SLC19A1: variants seen among roughly 807,000 people sequenced by gnomAD.
SLC19A1 encodes reduced folate transporter.
Under a neutral mutation model 35.3 loss-of-function variants are expected in SLC19A1, and 37 were observed. That is an observed-to-expected ratio of 1.05 (90% CI 0.81 to 1.38). SLC19A1 has a LOEUF of 1.38. Among genes scored for constraint, SLC19A1 ranks in the 40% most tolerant of loss-of-function variants. The pLI is 0.00. For missense variants in SLC19A1, 831 were observed against 826.9 expected (o/e 1.00, Z -0.06); for synonymous variants, 460 against 398.5 (o/e 1.15, Z -1.84).
rs991389062 is a variant in SLC19A1, at chr21:45,517,821, C to G, written c.1294-1681G>C. Among the ~76,000 whole-genome samples, 12 of 152,190 alleles carry G rather than the reference C, an allele frequency of 7.9e-5. No individual in the cohort carries two copies. Among genetic ancestry groups the G allele is most frequent in the Non-Finnish European group, 1.6e-4 (11 of 68,030 alleles). The stretch of plus-strand genomic sequence containing the variant: ...CAACAAGAAGGAGCCCCCACCCAGC[C>G]ACCCACCCTCCCTCAGGTGTCACAA... On this transcript the variant is annotated intron_variant, in intron 5 of 5. Transcript: ENST00000311124. This position sits in a 1 kb window ranked among gnomAD's most constrained non-coding sequence, Gnocchi z 4.4.
chr21:45,507,672 A>G, downstream of SLC19A1: 2 of 1,372,250 alleles, frequency 1.5e-6, no homozygotes, highest in South Asian at 2.4e-5. Flanking sequence ...TTTGAGGAAC[A>G]ACACGTGGTC....
rs1555880457 is a variant in SLC19A1, at chr21:45,519,592, A to AAAG, written c.1294-3455_1294-3453dup. Among the ~76,000 whole-genome samples, 336 of 139,532 alleles carry AAAG rather than the reference A, an allele frequency of 2.4e-3. 12 individuals carry two copies. Among genetic ancestry groups the AAAG allele is most frequent in the East Asian group, 5.0e-3 (23 of 4,606 alleles). 91.5% of individuals were successfully genotyped at this position (139,532 alleles called of 152,430 possible). On this transcript the variant is annotated intron_variant, in intron 5 of 5. Coordinates refer to ENST00000311124, the MANE Select transcript of SLC19A1 (RefSeq NM_194255.4). The stretch of plus-strand genomic sequence containing the variant: ...GAGCAAAAAAAAAAAAAAAAAAAAA[A>AAAG]AAGACCAGGGACAGCAGAGACAGAG...
intron 1 of SLC19A1, among the ~76,000 whole-genome samples, chr21:45,558,425 CT>C (rs1365247781): frequency 2.6e-5 from 4 of 152,370 alleles, no homozygotes; most frequent in Admixed American, 6.5e-5. Context: ...GTGAGACCCC[CT>C]GAGAACCCGG....
chr21:45,546,570 CA>C (rs1465042655), upstream of SLC19A1, among the ~76,000 whole-genome samples: 1 of 152,240 alleles, frequency 6.6e-6, no homozygotes, highest in Non-Finnish European at 1.5e-5. Flanking sequence ...CAGACTTTCA[CA>C]AAATCATGCT....
At chr21:45,511,736 G>T (rs922128102), downstream of SLC19A1, among the ~76,000 whole-genome samples, 1 of 152,174 alleles carries the variant, frequency 6.6e-6, no homozygotes, top group Admixed American at 6.5e-5. Context: ...GCCACACAGC[G>T]TGTCCCCAGC....
At chr21:45,526,461 A>G (rs1417273179) in intron 4 of SLC19A1, among the ~76,000 whole-genome samples, 1 of 152,134 alleles carries the variant, frequency 6.6e-6, no homozygotes, top group East Asian at 1.9e-4. Context: ...GTGCATGAAG[A>G]AACTTTTGAC....
exon 1 of SLC19A1, among the ~76,000 whole-genome samples, chr21:45,562,776 C>T (rs1360627747): frequency 3.9e-5 from 6 of 152,160 alleles, no homozygotes; most frequent in Non-Finnish European, 8.8e-5. Flanking sequence ...GATCCTCCTC[C>T]GGTATCTAGG....
rs145466827 is a variant in SLC19A1 at position 45,515,814 on chromosome 21, C to A, written c.1620G>T (p.Val540=). 33 of 1,610,056 alleles carry A rather than the reference C, an allele frequency of 2.0e-5. No homozygotes were observed. Among genetic ancestry groups the A allele is most frequent in the Non-Finnish European group, 2.8e-5 (33 of 1,177,536 alleles). Residue 540 remains valine, a synonymous_variant, in exon 6 of 6, where the codon GTG becomes GTT. Transcript: ENST00000311124. The part of the protein sequence containing the change: ...APQAAEFLSP[V]TTPSPCTLCS... ...ACAGAGTGCAGGGGGAAGGGGTTGT[C>A]ACTGGGCTCAGGAATTCAGCTGCCT...
chr21:45,555,173 GGGGGCGGTGCA>G (rs2078534457), intron 1 of SLC19A1, among the ~76,000 whole-genome samples: 1 of 79,334 alleles, frequency 1.3e-5, no homozygotes, highest in African/African-American at 6.0e-5. Flanking sequence ...GGGCGGCGCA[GGGGGCGGTGCA>G]GGGGGCGGCG....
chr21:45,510,186 G>A (rs2037494253), downstream of SLC19A1: 6 of 1,598,496 alleles, frequency 3.8e-6, no homozygotes, highest in Non-Finnish European at 5.1e-6. Flanking sequence ...GCGCCTTCCT[G>A]TCCTCGCGCC....
Position 45,531,442 on chromosome 21 carries a change from G to A in SLC19A1, c.896C>T (p.Thr299Ile). The change falls in exon 3 of 6, where the codon ACC (threonine) becomes ATC (isoleucine). Residue 299 changes from threonine (T) to isoleucine (I), a missense_variant. Coordinates refer to ENST00000311124, the MANE Select transcript of SLC19A1 (RefSeq NM_194255.4). Reference protein sequence around the residue: ...HILWNEVDPTTNSARVYNGAA... With the variant: ...HILWNEVDPTINSARVYNGAA... ...GCCGTTGTAGACCCGCGCACTGTTG[G>A]TGGTGGGGTCCACCTCGTTCCACAG... 1 of 1,611,504 alleles carries A rather than the reference G, an allele frequency of 6.2e-7. No homozygotes were observed. The highest frequency in any genetic ancestry group is 8.5e-7 in the Non-Finnish European group (1 of 1,179,050).
At chr21:45,503,019 C>G (rs139725391) in intron 3 of SLC19A1, 1 of 152,048 alleles carries the variant, frequency 6.6e-6, no homozygotes, top group Non-Finnish European at 1.5e-5. Flanking sequence ...TGAATAATGT[C>G]GCAATAAACA....
intron 1 of SLC19A1, among the ~76,000 whole-genome samples, chr21:45,552,429 G>C (rs2078474841): frequency 6.6e-6 from 1 of 150,502 alleles, no homozygotes; most frequent in Non-Finnish European, 1.5e-5. Context: ...GTGGCTGTTG[G>C]GTCGGGGGCC....
Position 45,534,650 on chromosome 21 carries a change from C to G in SLC19A1, c.190-2502G>C. On this transcript the variant is annotated intron_variant, in intron 2 of 5. Coordinates refer to ENST00000311124, the MANE Select transcript of SLC19A1 (RefSeq NM_194255.4). This position sits in a 1 kb window ranked among gnomAD's most constrained non-coding sequence, Gnocchi z 4.2. ...AGTTGAGGGTCTGAGCGCAGAGCTC[C>G]CCCTTGGCAGCCACCCAGAGCCCTC... is the stretch of plus-strand genomic sequence containing the variant. 1 of 1,519,186 alleles carries G rather than the reference C, an allele frequency of 6.6e-7. No homozygotes were observed. The highest frequency in any genetic ancestry group is 1.4e-5 in the African/African-American group (1 of 72,838). 94.1% of individuals were successfully genotyped at this position (1,519,186 alleles called of 1,614,324 possible).
Position 45,515,844 on chromosome 21 carries a change from G to T in SLC19A1, c.1590C>A (p.Ala530=). The part of the protein sequence containing the change: ...QSDPYLAQAP[A]PQAAEFLSPV... ...GGCTCAGGAATTCAGCTGCCTGCGG[G>T]GCCGGGGCCTGGGCCAGGTATGGGT... The change falls in exon 6 of 6, where the codon GCC becomes GCA. Residue 530 remains alanine (A), a synonymous_variant. Coordinates refer to ENST00000311124, the MANE Select transcript of SLC19A1 (RefSeq NM_194255.4). 6.2e-7 allele frequency: 1 copy of T among 1,601,792 alleles called. No homozygotes were observed. The highest frequency in any genetic ancestry group is 8.5e-7 in the Non-Finnish European group (1 of 1,172,906).
downstream of SLC19A1, among the ~76,000 whole-genome samples, chr21:45,508,205 AGTGTATGAATGGGTGG>A (rs1480678031): frequency 7.3e-6 from 1 of 137,314 alleles, no homozygotes; most frequent in African/African-American, 2.9e-5. Context: ...CAGGTGGGTG[AGTGTATGAATGGGTGG>A]GTGGATAGTG....
chr21:45,519,430 C>A (rs2077371168), intron 5 of SLC19A1, among the ~76,000 whole-genome samples: 1 of 152,032 alleles, frequency 6.6e-6, no homozygotes, highest in South Asian at 2.1e-4. Context: ...CAACTACGTG[C>A]TGTCTACAAG....
At chr21:45,553,539 T>C (rs1439470442) in intron 1 of SLC19A1, among the ~76,000 whole-genome samples, 2 of 151,516 alleles carry the variant, frequency 1.3e-5, no homozygotes. Context: ...ATTCACACTG[T>C]TGTGCGGCCG....
rs756176485 is a variant in SLC19A1 at position 45,531,396 on chromosome 21, C to T, written c.942G>A (p.Thr314=). The change falls in exon 3 of 6, where the codon ACG becomes ACA. Residue 314 remains threonine, a synonymous_variant. Coordinates refer to ENST00000311124, the MANE Select transcript of SLC19A1 (RefSeq NM_194255.4). ...VYNGAADAAS[T]LLGAITSFAA... ...GGACCAGGGCATGCGTACCCAGCAG[C>T]GTGGAGGCAGCATCTGCCGCGCCGT... is the stretch of plus-strand genomic sequence containing the variant. 1.9e-6 allele frequency: 3 copies of T among 1,580,152 alleles called. No homozygotes were observed. Among genetic ancestry groups the T allele is most frequent in the Admixed American group, 1.7e-5 (1 of 57,464 alleles).
Sources: gnomAD v4.1 joint callset for allele counts (sites outside exome capture counted in the v4.1 genomes callset) on GRCh38, gnomAD v4.1.1 for gene constraint, Gnocchi (gnomAD v3.1) non-coding constraint, MANE v1.5 for transcripts, NCBI Gene and HGNC (gene_info 2026-07-23, HGNC 2026-07-21) for gene names.